CYB5R2: variants seen among roughly 807,000 people sequenced by gnomAD.
CYB5R2 encodes cytochrome b5 reductase 2.
Under a neutral mutation model 29.8 loss-of-function variants are expected in CYB5R2, and 35 were observed. The ratio of observed to expected loss-of-function variants is 1.17; its 90% confidence interval spans 0.90 to 1.56. The LOEUF is 1.56. Among genes scored for constraint, CYB5R2 ranks in the 40% most tolerant of loss-of-function variants. CYB5R2 has a pLI of 0.00. For synonymous variants in CYB5R2, 169 were observed against 130.6 expected (o/e 1.29, Z -2.01); for missense variants, 419 against 346.7 (o/e 1.21, Z -1.66).
chr11:7,672,303 C>CCTAT (rs1225777346), intron 3 of CYB5R2, 148 bp downstream of exon 3: 4 of 643,716 alleles, frequency 6.2e-6, no homozygotes, highest in African/African-American at 3.7e-5. Context: ...CATCCATCCC[C>CCTAT]CTATCTATCT....
intron 8 of CYB5R2, chr11:7,665,910 G>GT: frequency 6.5e-7 from 1 of 1,536,180 alleles, no homozygotes; most frequent in African/African-American, 1.4e-5. Context: ...GAATTGCTCA[G>GT]TAGGGTAGCG....
chr11:7,673,442 T>G lies in CYB5R2; in HGVS notation c.-90A>C. The G allele has an allele frequency of 4.1e-6, 4 of 986,724 alleles. No individual in the cohort carries two copies. Among genetic ancestry groups the G allele is most frequent in the Non-Finnish European group, 4.8e-6 (4 of 830,920 alleles). The allele number at this position is 986,724 out of a possible 1,614,324, so 61.1% of individuals were successfully genotyped here. On this transcript the variant is annotated 5_prime_UTR_variant, in exon 1 of 9. Coordinates refer to ENST00000299498, the MANE Select transcript of CYB5R2 (RefSeq NM_016229.5). ...ACCCTACAAGGCCGCCCTGCTCCTC[T>G]CCCAACTCAAGCCCGACAGGGAAAG...
chr11:7,669,627 T>G lies in CYB5R2; in HGVS notation c.256A>C (p.Lys86Gln), dbSNP rs759732840. ...DDRGFVDLIIKIYFKNVHPQY... is the reference protein window; with the variant it reads ...DDRGFVDLIIQIYFKNVHPQY... ...CAGATATGGTGGGCACTATTTACCT[T>G]TATAATTAGGTCCACAAAGCCTCTG... The change falls in exon 4 of 9, where the codon AAG becomes CAG. Residue 86 changes from lysine (K) to glutamine (Q), a missense_variant and splice_region_variant. Coordinates refer to ENST00000299498, the MANE Select transcript of CYB5R2 (RefSeq NM_016229.5). 6.3e-7 allele frequency: 1 copy of G among 1,594,050 alleles called. No homozygotes were observed. The highest frequency in any genetic ancestry group is 8.5e-7 in the Non-Finnish European group (1 of 1,170,988).
Position 7,665,193 on chromosome 11 carries a change from G to C in CYB5R2, c.*181C>G, listed in dbSNP as rs963106750. The C allele has an allele frequency of 1.1e-4, 55 of 496,932 alleles. No homozygotes were observed. In the South Asian group the frequency reaches 2.0e-3, roughly 18 times the overall value. 30.8% of individuals were successfully genotyped at this position (496,932 alleles called of 1,614,324 possible). A position where few individuals can be genotyped will look rare whatever the true frequency, so the allele number is the denominator to read the frequency against. Reference sequence around the variant, plus strand: ...GCCTCCAAGCAAGGAGGCCCCAGCAGCCAGTCTCCAGCCCCTTGAGCCCTT... The same window carrying C: ...GCCTCCAAGCAAGGAGGCCCCAGCACCCAGTCTCCAGCCCCTTGAGCCCTT... On this transcript the variant is annotated 3_prime_UTR_variant, in exon 9 of 9. Transcript: ENST00000299498.
intron 1 of CYB5R2, 104 bp from the exon 2 acceptor site, chr11:7,672,995 A>C: frequency 8.8e-7 from 1 of 1,130,428 alleles, no homozygotes; most frequent in South Asian, 1.4e-5. Flanking sequence ...ACAGGAGCTG[A>C]GCTCTGCCTG....
Position 7,665,484 on chromosome 11 carries a change from C to G in CYB5R2, c.721G>C (p.Ala241Pro), listed in dbSNP as rs746566221. 6.2e-7 allele frequency: 1 copy of G among 1,613,954 alleles called. No homozygotes were observed. Among genetic ancestry groups the G allele is most frequent in the Admixed American group, 1.7e-5 (1 of 59,984 alleles). The change falls in exon 9 of 9, where the codon GCG becomes CCG. Residue 241 changes from alanine to proline, a missense_variant. Physicochemically the swap from Ala to Pro is conservative, Grantham distance 27 (BLOSUM62 -1). Coordinates refer to ENST00000299498, the MANE Select transcript of CYB5R2 (RefSeq NM_016229.5). Reference protein sequence around the residue: ...DMIKEHLPPPAKSTLILVCGP... With the variant: ...DMIKEHLPPPPKSTLILVCGP... Reference sequence around the variant, plus strand: ...CACACCAGGATGAGCGTGGACTTCGCTGGAGGAGGAAGGTGCTCCTTGATC... The same window carrying G: ...CACACCAGGATGAGCGTGGACTTCGGTGGAGGAGGAAGGTGCTCCTTGATC...
intron 6 of CYB5R2, 94 bp from the exon 7 acceptor site, chr11:7,667,907 A>C: frequency 2.9e-6 from 3 of 1,025,366 alleles, no homozygotes; most frequent in Middle Eastern, 2.1e-4. Flanking sequence ...CCCCAGCCCA[A>C]GTTATCCTTT....
rs116007533 is a variant in CYB5R2 at position 7,669,697 on chromosome 11, A to G, written c.186T>C (p.Asn62=). 1.2e-3 allele frequency: 1,877 copies of G among 1,614,140 alleles called. 27 individuals carry two copies. The African/African-American group carries it at 0.023, about 20-fold the overall frequency. The change falls in exon 4 of 9, where the codon AAT becomes AAC. Residue 62 remains asparagine (N), a synonymous_variant. Transcript: ENST00000299498. ...GGGTGTAAGCCCTGACCACCAATTC[A>G]TTATCGATTTTTGCCAAGAGCTGGA... The part of the protein sequence containing the change: ...NYVQLLAKID[N]ELVVRAYTPV...
intron 3 of CYB5R2, 142 bp downstream of exon 3, chr11:7,672,297 CATCCCCCTATCT>C: frequency 1.6e-6 from 1 of 626,222 alleles, no homozygotes. Context: ...GTCCCACATC[CATCCCCCTATCT>C]ATCTCCCTGA....
Position 7,669,485 on chromosome 11 carries a change from C to A in CYB5R2, c.258+140G>T. On this transcript the variant is annotated intron_variant, in intron 4 of 8. Coordinates refer to ENST00000299498, the MANE Select transcript of CYB5R2 (RefSeq NM_016229.5). ...GCAATCCCTGAAGATGAAGCTGCCA[C>A]AAGGTTAACTGTAGCTTCACTGCTG... is the stretch of plus-strand genomic sequence containing the variant. The A allele has an allele frequency of 2.4e-6, 3 of 1,234,722 alleles. No homozygotes were observed. In the Admixed American group the frequency reaches 6.9e-5, roughly 29 times the overall value. 76.5% of individuals were successfully genotyped at this position (1,234,722 alleles called of 1,614,324 possible). A position where few individuals can be genotyped will look rare whatever the true frequency, so the allele number is the denominator to read the frequency against.
upstream of CYB5R2, chr11:7,674,204 C>G (rs1236748541): frequency 7.9e-7 from 1 of 1,269,572 alleles, no homozygotes; most frequent in African/African-American, 1.5e-5. Flanking sequence ...AAAGAGCGCG[C>G]GAATATATTC....
chr11:7,665,262 G>T lies in CYB5R2; in HGVS notation c.*112C>A, dbSNP rs11758. 8.6e-6 allele frequency: 8 copies of T among 931,666 alleles called. No individual in the cohort carries two copies. The highest frequency in any genetic ancestry group is 1.3e-5 in the Non-Finnish European group (8 of 633,020). The allele number at this position is 931,666 out of a possible 1,614,324, so 57.7% of individuals were successfully genotyped here. A position where few individuals can be genotyped will look rare whatever the true frequency, so the allele number is the denominator to read the frequency against. ...AAAAGAGGAGAACCAGTGTGTGCGC[G>T]AAGGTACATGGCAAGGCACTTTTGA... On this transcript the variant is annotated 3_prime_UTR_variant, in exon 9 of 9. Coordinates refer to ENST00000299498, the MANE Select transcript of CYB5R2 (RefSeq NM_016229.5).
In CYB5R2 at chr11:7,665,218, T is replaced by C; in HGVS notation, c.*156A>G. The stretch of plus-strand genomic sequence containing the variant: ...GCCAGTCTCCAGCCCCTTGAGCCCT[T>C]TTTGTTAGGCCCACACCCAAAAGAG... On this transcript the variant is annotated 3_prime_UTR_variant, in exon 9 of 9. Transcript: ENST00000299498. 1 of 592,906 alleles carries C rather than the reference T, an allele frequency of 1.7e-6. No individual in the cohort carries two copies. Among genetic ancestry groups the C allele is most frequent in the Non-Finnish European group, 2.8e-6 (1 of 362,694 alleles). 36.7% of individuals were successfully genotyped at this position (592,906 alleles called of 1,614,324 possible). A position where few individuals can be genotyped will look rare whatever the true frequency, so the allele number is the denominator to read the frequency against.
Position 7,669,235 on chromosome 11 carries a change from G to T in CYB5R2, c.358C>A (p.Pro120Thr). 1.9e-6 allele frequency: 3 copies of T among 1,614,014 alleles called. No homozygotes were observed. Among genetic ancestry groups the T allele is most frequent in the South Asian group, 1.1e-5 (1 of 91,064 alleles). Residue 120 changes from proline (P) to threonine (T), a missense_variant, in exon 5 of 9, where the codon CCA (proline) becomes ACA (threonine). Transcript: ENST00000299498. ...KIGETIFFRG[P>T]RGRLFYHGPG... ...CCATGGTAAAACAAGCGTCCCCTTG[G>T]CCCTCGAAAAAAGATGGTCTCCCCG...
chr11:7,665,900 G>T, intron 8 of CYB5R2: 1 of 1,536,158 alleles, frequency 6.5e-7, no homozygotes, highest in Non-Finnish European at 8.7e-7. Flanking sequence ...GAACTGCGCA[G>T]AATTGCTCAG....
chr11:7,668,931 T>A (rs1855539356), intron 5 of CYB5R2: 1 of 611,202 alleles, frequency 1.6e-6, no homozygotes, highest in African/African-American at 1.8e-5. Context: ...TTTTCAGTAT[T>A]AGCAGGCACC....
chr11:7,668,799 A>C, intron 5 of CYB5R2: 1 of 596,232 alleles, frequency 1.7e-6, no homozygotes, highest in Non-Finnish European at 3.0e-6. Context: ...TGTTCTGAGG[A>C]AAAAGAGGGG....
At chr11:7,669,458 A>G in intron 4 of CYB5R2, 124 bp from the exon 5 acceptor site, 1 of 1,288,002 alleles carries the variant, frequency 7.8e-7, no homozygotes, top group South Asian at 1.4e-5. Context: ...GAATTGTTGT[A>G]CGCAATCCCT....
upstream of CYB5R2, chr11:7,673,586 C>T: frequency 2.0e-6 from 2 of 984,842 alleles, no homozygotes; most frequent in Non-Finnish European, 2.4e-6. Context: ...CCCGCTCCGG[C>T]CCCCAACCTC....
Sources: gnomAD v4.1 joint callset for allele counts on GRCh38, gnomAD v4.1.1 for gene constraint, MANE v1.5 for transcripts, NCBI Gene and HGNC (gene_info 2026-07-23, HGNC 2026-07-21) for gene names.